MAD1L1: variants seen among roughly 807,000 people sequenced by gnomAD.
MAD1L1 encodes mitotic spindle assembly checkpoint protein MAD1.
A neutral mutation model predicts 96.9 loss-of-function variants in MAD1L1; 95 were observed. The ratio of observed to expected loss-of-function variants is 0.98; its 90% CI spans 0.83 to 1.16. The LOEUF is 1.16. MAD1L1 is among the 50% of genes most tolerant of loss of function. The pLI is 0.00. For missense variants in MAD1L1, 1,007 were observed against 954.4 expected (o/e 1.06, Z -0.73); for synonymous variants, 473 against 396.6 (o/e 1.19, Z -2.29).
chr7:2,127,764 G>C (rs1788302844), intron 11 of MAD1L1, among the ~76,000 whole-genome samples: 2 of 152,148 alleles, frequency 1.3e-5, no homozygotes, highest in Non-Finnish European at 2.9e-5. Flanking sequence ...AAACGTGCAA[G>C]AGCAGCCGGC....
chr7:1,888,987 T>A (rs1786366133), intron 18 of MAD1L1, among the ~76,000 whole-genome samples: 1 of 152,228 alleles, frequency 6.6e-6, no homozygotes, highest in Admixed American at 6.5e-5. Context: ...CAGATCCTCG[T>A]GGCCTGATGT....
chr7:1,955,639 G>C (rs935144319), intron 16 of MAD1L1, among the ~76,000 whole-genome samples: 4 of 152,170 alleles, frequency 2.6e-5, no homozygotes, highest in Admixed American at 2.6e-4. Flanking sequence ...CTGGTGGGCA[G>C]GCACACCCAG....
chr7:1,856,769 C>G (rs564544224), intron 18 of MAD1L1, among the ~76,000 whole-genome samples: 1 of 152,146 alleles, frequency 6.6e-6, no homozygotes, highest in Non-Finnish European at 1.5e-5. Context: ...CGTGCCTCCA[C>G]GTTCCACACG....
chr7:1,953,687 G>A (rs572585248), intron 16 of MAD1L1, among the ~76,000 whole-genome samples: 12 of 152,390 alleles, frequency 7.9e-5, no homozygotes, highest in African/African-American at 1.9e-4. Flanking sequence ...CGGAACATCC[G>A]TGGTGGAGCC....
chr7:1,933,353 A>T (rs1789590486), intron 17 of MAD1L1, among the ~76,000 whole-genome samples: 1 of 152,108 alleles, frequency 6.6e-6, no homozygotes. Context: ...ATACACAGGG[A>T]GGTCTTTCCA....
chr7:1,967,474 C>T (rs1381251619), intron 15 of MAD1L1, among the ~76,000 whole-genome samples: 3 of 152,180 alleles, frequency 2.0e-5, no homozygotes, highest in African/African-American at 4.8e-5. Flanking sequence ...GGTACAGGTA[C>T]GCTGCAAGTA....
At chr7:1,956,705 C>T (rs1779743418) in intron 16 of MAD1L1, among the ~76,000 whole-genome samples, 1 of 152,246 alleles carries the variant, frequency 6.6e-6, no homozygotes, top group Non-Finnish European at 1.5e-5. Context: ...CAGAGGAGTG[C>T]TCCGCTAGTG....
chr7:1,994,812 C>T (rs1029779040), intron 14 of MAD1L1, among the ~76,000 whole-genome samples: 1 of 152,186 alleles, frequency 6.6e-6, no homozygotes, highest in African/African-American at 2.4e-5. Context: ...CCTGCAGAAC[C>T]GTGAGCAACA....
At position 2,213,074 on chromosome 7, in the gene MAD1L1, C is replaced by A. The variant is rs893092522; in HGVS notation, c.986+138G>T. 20 of 802,994 alleles carry A rather than the reference C, an allele frequency of 2.5e-5. No homozygotes were observed. The South Asian group carries it at 3.3e-4, about 13-fold the overall frequency. The allele number at this position is 802,994 out of a possible 1,614,324, so 49.7% of individuals were successfully genotyped here. On this transcript the variant is annotated intron_variant, in intron 10 of 18. Coordinates refer to ENST00000265854, the MANE Select transcript of MAD1L1 (RefSeq NM_001013836.2). ...TGGGAAAGGCCTCATTAAACCTGAG[C>A]AGCCCAGGACAAATGCCCCGCACCA... is the stretch of plus-strand genomic sequence containing the variant.
chr7:2,033,509 C>T (rs1239842160), intron 12 of MAD1L1, among the ~76,000 whole-genome samples: 4 of 152,168 alleles, frequency 2.6e-5, no homozygotes, highest in Admixed American at 1.3e-4. Context: ...CTGGGGAAAA[C>T]GTGCCACAAA....
intron 11 of MAD1L1, among the ~76,000 whole-genome samples, chr7:2,086,692 C>T (rs552544228): frequency 6.6e-6 from 1 of 152,318 alleles, no homozygotes; most frequent in African/African-American, 2.4e-5. Flanking sequence ...GCTGGGATTA[C>T]AGTTGCCTGC....
At chr7:2,055,009 C>T (rs150332373) in intron 12 of MAD1L1, among the ~76,000 whole-genome samples, 418 of 152,284 alleles carry the variant, frequency 2.7e-3, no homozygotes, top group Admixed American at 4.6e-3. Context: ...TCAGGGACGA[C>T]GGCAGGGCCC....
intron 17 of MAD1L1, among the ~76,000 whole-genome samples, chr7:1,904,233 C>T (rs562683811): frequency 6.9e-6 from 1 of 144,818 alleles, no homozygotes; most frequent in African/African-American, 2.8e-5. Context: ...ATTGAAGAAG[C>T]TCTTGCGGAA....
intron 15 of MAD1L1, among the ~76,000 whole-genome samples, chr7:1,967,178 G>T (rs1233400388): frequency 6.6e-6 from 1 of 152,208 alleles, no homozygotes. Context: ...GACTTCAAGT[G>T]GGATGAGGCT....
intron 11 of MAD1L1, among the ~76,000 whole-genome samples, chr7:2,138,150 G>A (rs1788849086): frequency 6.6e-6 from 1 of 152,246 alleles, no homozygotes; most frequent in East Asian, 1.9e-4. Context: ...TGAGACTGCT[G>A]TTACAAAGGG....
intron 11 of MAD1L1, among the ~76,000 whole-genome samples, chr7:2,118,677 A>G (rs2128560054): frequency 6.6e-6 from 1 of 152,060 alleles, no homozygotes; most frequent in South Asian, 2.1e-4. Context: ...CTGCCCACAT[A>G]CTGCTGCCCA....
intron 17 of MAD1L1, among the ~76,000 whole-genome samples, chr7:1,917,694 TAGCAAG>T (rs1322423298): frequency 3.3e-5 from 5 of 152,112 alleles, no homozygotes; most frequent in African/African-American, 7.2e-5. Context: ...CTGGGGACCG[TAGCAAG>T]AGCAAGAGGG....
intron 10 of MAD1L1, among the ~76,000 whole-genome samples, chr7:2,180,668 T>C (rs1037606440): frequency 6.6e-6 from 1 of 152,208 alleles, no homozygotes; most frequent in African/African-American, 2.4e-5. Context: ...ATAATAATTG[T>C]TGTCAGATTG....
At chr7:2,017,299 C>T (rs910238067) in intron 12 of MAD1L1, among the ~76,000 whole-genome samples, 1 of 152,238 alleles carries the variant, frequency 6.6e-6, no homozygotes, top group East Asian at 1.9e-4. Context: ...GTCCCAGACT[C>T]GCTTTAAGAA....
Sources: gnomAD v4.1 joint callset for allele counts (sites outside exome capture counted in the v4.1 genomes callset) on GRCh38, gnomAD v4.1.1 for gene constraint, MANE v1.5 for transcripts, NCBI Gene and HGNC (gene_info 2026-07-23, HGNC 2026-07-21) for gene names.